The following SPHKAP variants were observed in gnomAD, a reference collection of about 807,000 sequenced individuals.
SPHKAP encodes the protein SPHK1 interactor, AKAP domain containing.
SPHKAP carries 67 observed loss-of-function variants against 137.5 expected under a neutral mutation model. The ratio of observed to expected loss-of-function variants is 0.49; its 90% confidence interval spans 0.40 to 0.60. The LOEUF is 0.60. Ranked by LOEUF, SPHKAP falls within the 20% of genes least tolerant of loss-of-function variation. The pLI is 0.00. For missense variants in SPHKAP, 2,097 were observed against 2,069.3 expected (o/e 1.01, Z -0.26); for synonymous variants, 813 against 785.3 (o/e 1.04, Z -0.59).
rs1491123680 is a variant in SPHKAP, at chr2:227,982,050, AAT to A, written c.4960-192_4960-191del. ...GATTATTACCGAACTTCATCAAGTGAATTTTTTTTTTTTTTTTTTCACAGCAG... is the reference window on the plus strand; with the variant it reads ...GATTATTACCGAACTTCATCAAGTGATTTTTTTTTTTTTTTTTCACAGCAG... On this transcript the variant is annotated intron_variant, in intron 11 of 11. Transcript: ENST00000392056. 3 of 924,326 alleles carry A rather than the reference AAT, an allele frequency of 3.2e-6. No homozygotes were observed. The African/African-American group carries it at 7.5e-5, about 23-fold the overall frequency. The allele number at this position is 924,326 out of a possible 1,614,324, so 57.3% of individuals were successfully genotyped here.
chr2:228,076,878 T>C (rs1319886693), intron 3 of SPHKAP, among the ~76,000 whole-genome samples: 1 of 152,170 alleles, frequency 6.6e-6, no homozygotes, highest in Non-Finnish European at 1.5e-5. Context: ...GTCAGAGACC[T>C]ATGCAGCAGT....
intron 3 of SPHKAP, among the ~76,000 whole-genome samples, chr2:228,054,312 A>T (rs1696361398): frequency 6.6e-6 from 1 of 152,170 alleles, no homozygotes; most frequent in African/African-American, 2.4e-5. Context: ...TGAGGGTGAG[A>T]ATAGGGTATT....
intron 1 of SPHKAP, among the ~76,000 whole-genome samples, chr2:228,148,181 C>T (rs1391924703): frequency 6.6e-6 from 1 of 152,124 alleles, no homozygotes; most frequent in African/African-American, 2.4e-5. Flanking sequence ...TAAGAAGCTG[C>T]CTCTCTGGCT....
At chr2:228,152,113 T>G (rs1442876061) in intron 1 of SPHKAP, among the ~76,000 whole-genome samples, 5 of 152,204 alleles carry the variant, frequency 3.3e-5, no homozygotes, top group Non-Finnish European at 7.4e-5. Flanking sequence ...TCCTTGGTAT[T>G]TGTTGAGAAT....
chr2:228,134,234 G>GAGGAAGGAAGGA (rs71043028), intron 1 of SPHKAP, among the ~76,000 whole-genome samples: 1 of 141,314 alleles, frequency 7.1e-6, no homozygotes, highest in Non-Finnish European at 1.5e-5. Context: ...AGGAGGGAGG[G>GAGGAAGGAAGGA]AGGAAGGAAG....
chr2:228,153,868 A>C (rs1416263685), intron 1 of SPHKAP, among the ~76,000 whole-genome samples: 1 of 152,174 alleles, frequency 6.6e-6, no homozygotes, highest in Non-Finnish European at 1.5e-5. Context: ...CAGCGGGCTT[A>C]AAGAAAAATG....
chr2:228,010,154 G>A (rs975753200), intron 7 of SPHKAP, among the ~76,000 whole-genome samples: 4 of 152,150 alleles, frequency 2.6e-5, no homozygotes, highest in African/African-American at 4.8e-5. Context: ...GGCTAATCAC[G>A]TTTGTTTCCC....
intron 3 of SPHKAP, among the ~76,000 whole-genome samples, chr2:228,064,603 GCC>G (rs1696765135): frequency 6.6e-6 from 1 of 152,092 alleles, no homozygotes; most frequent in East Asian, 1.9e-4. Context: ...TACCTTTCTT[GCC>G]CCTGTTGGTA....
At chr2:227,997,252 C>T (rs1693671818) in intron 7 of SPHKAP, among the ~76,000 whole-genome samples, 1 of 152,176 alleles carries the variant, frequency 6.6e-6, no homozygotes, top group South Asian at 2.1e-4. Flanking sequence ...AAACTATCTA[C>T]TGTTTTTCAA....
At chr2:228,098,146 T>A (rs192670453) in intron 3 of SPHKAP, among the ~76,000 whole-genome samples, 1,688 of 129,160 alleles carry the variant, frequency 0.013, 15 homozygotes, top group Non-Finnish European at 0.019. Flanking sequence ...GCCAACATAT[T>A]TTTTTTTTAA....
At chr2:228,131,358 A>G in intron 2 of SPHKAP, 1 of 963,826 alleles carries the variant, frequency 1.0e-6, no homozygotes, top group African/African-American at 1.8e-5. Flanking sequence ...TAGATGGGGA[A>G]CCAGGATCGT....
chr2:228,069,471 G>C (rs1450769467), intron 3 of SPHKAP, among the ~76,000 whole-genome samples: 1 of 141,530 alleles, frequency 7.1e-6, no homozygotes, highest in East Asian at 2.0e-4. Context: ...TTTTAGAGAT[G>C]GGGGGGTCTC....
At chr2:228,136,976 T>A (rs1699454280) in intron 1 of SPHKAP, among the ~76,000 whole-genome samples, 2 of 152,050 alleles carry the variant, frequency 1.3e-5, no homozygotes, top group Non-Finnish European at 2.9e-5. Context: ...GGTACCTCCC[T>A]TCTCTCTTCC....
chr2:227,982,051 A>ATTTTTTTT (rs3082640), intron 11 of SPHKAP, 191 bp from the exon 12 acceptor site: 1 of 860,744 alleles, frequency 1.2e-6, no homozygotes, highest in African/African-American at 1.9e-5. Flanking sequence ...CATCAAGTGA[A>ATTTTTTTT]TTTTTTTTTT....
intron 1 of SPHKAP, among the ~76,000 whole-genome samples, chr2:228,145,182 AAAC>A (rs1038953405): frequency 2.0e-5 from 3 of 152,198 alleles, no homozygotes; most frequent in African/African-American, 4.8e-5. Context: ...ACACAGTTTA[AAAC>A]AACAACATCA....
At chr2:228,078,131 A>ATAAATTACCCAGTCTCAGGTATGTCTG (rs1697243188) in intron 3 of SPHKAP, among the ~76,000 whole-genome samples, 1 of 152,218 alleles carries the variant, frequency 6.6e-6, no homozygotes, top group East Asian at 1.9e-4. Context: ...TTTTTCCTAC[A>ATAAATTACCCAGTCTCAGGTATGTCTG]TAAATTACCC....
At chr2:228,133,061 C>T (rs74462908) in intron 1 of SPHKAP, among the ~76,000 whole-genome samples, 51,800 of 151,580 alleles carry the variant, frequency 0.34, 9,071 homozygotes, top group East Asian at 0.5. Flanking sequence ...AATACCAGCA[C>T]TTTCGGAGGC....
intron 3 of SPHKAP, among the ~76,000 whole-genome samples, chr2:228,046,137 A>G (rs1392446127): frequency 1.3e-5 from 2 of 152,138 alleles, no homozygotes; most frequent in African/African-American, 2.4e-5. Context: ...ATTAGATTAC[A>G]GTAATCAGTA....
chr2:228,093,255 T>A (rs1221562786), intron 3 of SPHKAP, among the ~76,000 whole-genome samples: 1 of 152,196 alleles, frequency 6.6e-6, no homozygotes, highest in African/African-American at 2.4e-5. Flanking sequence ...TTACCATATG[T>A]AGTAGTACCA....
Sources: allele counts gnomAD v4.1 joint callset (sites outside exome capture counted in the v4.1 genomes callset), GRCh38; gene constraint gnomAD v4.1.1; transcripts MANE v1.5; gene names NCBI Gene and HGNC (gene_info 2026-07-23, HGNC 2026-07-21).